The following SEMA3D variants were observed in gnomAD, a reference collection of about 807,000 sequenced individuals.
SEMA3D encodes semaphorin-3D.
A neutral mutation model predicts 100.1 loss-of-function variants in SEMA3D; 84 were observed. That is an observed-to-expected ratio of 0.84 (90% CI 0.70 to 1.01). SEMA3D has a LOEUF of 1.01. Ranked by LOEUF, SEMA3D falls within the 50% of genes least tolerant of loss-of-function variation. SEMA3D has a pLI of 0.00. For missense variants in SEMA3D, 875 were observed against 934.1 expected (o/e 0.94, Z 0.82); for synonymous variants, 312 against 320.7 (o/e 0.97, Z 0.29).
At chr7:85,182,615 A>T (rs181570470) in intron 1 of SEMA3D, among the ~76,000 whole-genome samples, 1 of 152,322 alleles carries the variant, frequency 6.6e-6, no homozygotes, top group African/African-American at 2.4e-5. Context: ...TATTAGCTTG[A>T]CAGGTATGGC....
chr7:85,025,783 T>C (rs1790376144), intron 12 of SEMA3D, among the ~76,000 whole-genome samples: 1 of 151,946 alleles, frequency 6.6e-6, no homozygotes, highest in African/African-American at 2.4e-5. Context: ...AGAGTCAACC[T>C]ACAACAGATA....
chr7:85,130,981 A>T (rs183682941), intron 2 of SEMA3D, among the ~76,000 whole-genome samples: 72 of 152,264 alleles, frequency 4.7e-4, no homozygotes, highest in Middle Eastern at 3.4e-3. Context: ...TAACAAGGGT[A>T]TCTGATTCCT....
chr7:85,174,257 A>T (rs1402818065), intron 1 of SEMA3D, among the ~76,000 whole-genome samples: 1 of 152,112 alleles, frequency 6.6e-6, no homozygotes, highest in Non-Finnish European at 1.5e-5. Context: ...AAAATTGTCT[A>T]CTTCAGGGCC....
At chr7:85,231,596 G>A in the SEMA3D span, among the ~76,000 whole-genome samples, 2,158 of 151,954 alleles carry the variant, frequency 0.014, 25 homozygotes, top group Non-Finnish European at 0.021. Flanking sequence ...GACTACAGGC[G>A]TCTGCCACCA....
intron 12 of SEMA3D, among the ~76,000 whole-genome samples, chr7:85,023,015 A>G (rs539248281): frequency 4.9e-4 from 74 of 152,064 alleles, no homozygotes; most frequent in Non-Finnish European, 8.8e-4. Context: ...TTCAGTTCAA[A>G]TGAAACCATG....
chr7:85,229,354 T>C, the SEMA3D span, among the ~76,000 whole-genome samples: 6 of 152,030 alleles, frequency 3.9e-5, no homozygotes, highest in Non-Finnish European at 7.4e-5. Context: ...GGTCCATTGC[T>C]ATTTTTTTAA....
At chr7:85,083,498 T>G (rs1788119504) in intron 4 of SEMA3D, among the ~76,000 whole-genome samples, 1 of 152,184 alleles carries the variant, frequency 6.6e-6, no homozygotes, top group Non-Finnish European at 1.5e-5. Context: ...TTGTTCTGGT[T>G]GTTCCTTTGT....
At chr7:85,064,891 T>C (rs1204163303) in intron 8 of SEMA3D, among the ~76,000 whole-genome samples, 2 of 152,206 alleles carry the variant, frequency 1.3e-5, no homozygotes, top group African/African-American at 4.8e-5. Context: ...AATATTAATA[T>C]GCTTAAAATT....
At chr7:85,204,445 T>C in the SEMA3D span, among the ~76,000 whole-genome samples, 2 of 151,952 alleles carry the variant, frequency 1.3e-5, no homozygotes, top group Admixed American at 1.3e-4. Flanking sequence ...TTTCGTAGAA[T>C]CAGCTTTTAA....
Position 85,049,449 on chromosome 7 carries a change from G to A in SEMA3D, c.861+6268C>T, listed in dbSNP as rs531443673. 1.9e-4 allele frequency among the ~76,000 whole-genome samples: 29 copies of A among 151,630 alleles called. No homozygotes were observed. The South Asian group carries it at 2.3e-3, about 12-fold the overall frequency. The stretch of plus-strand genomic sequence containing the variant: ...CAGTTTCTAAGATTTAGCACATTCA[G>A]TTAGGTAAATCTAGGAATGTTAAGC... On this transcript the variant is annotated intron_variant, in intron 9 of 18. Transcript: ENST00000284136.
the SEMA3D span, among the ~76,000 whole-genome samples, chr7:85,228,343 A>AT: frequency 6.6e-6 from 1 of 152,148 alleles, no homozygotes; most frequent in East Asian, 1.9e-4. Flanking sequence ...CACTATGCCA[A>AT]TTTTCCGAAT....
At chr7:85,007,013 C>A in intron 17 of SEMA3D, 72 bp from the exon 18 acceptor site, 1 of 1,157,140 alleles carries the variant, frequency 8.6e-7, no homozygotes, top group Non-Finnish European at 1.2e-6. Context: ...CAGACTGATT[C>A]AGAACAGATG....
chr7:85,150,383 C>A (rs1156869419), intron 2 of SEMA3D, among the ~76,000 whole-genome samples: 3 of 139,522 alleles, frequency 2.2e-5, no homozygotes, highest in African/African-American at 5.2e-5. Context: ...TATATATACA[C>A]ACACACATAT....
At chr7:85,155,137 CT>C (rs887735435) in intron 1 of SEMA3D, among the ~76,000 whole-genome samples, 29 of 148,678 alleles carry the variant, frequency 2.0e-4, no homozygotes, top group Admixed American at 3.4e-4. Context: ...AGATTCTACA[CT>C]TTTTTTTTTG....
chr7:85,147,092 CT>C (rs752922884), intron 2 of SEMA3D, among the ~76,000 whole-genome samples: 76 of 48,154 alleles, frequency 1.6e-3, no homozygotes, highest in East Asian at 9.9e-3. Flanking sequence ...TTTTTCTTTT[CT>C]TTTTTTTTTT....
chr7:85,098,020 A>G, intron 3 of SEMA3D, 55 bp from the exon 4 acceptor site: 2 of 1,006,418 alleles, frequency 2.0e-6, no homozygotes, highest in East Asian at 2.8e-5. Flanking sequence ...AGAAAGAAAG[A>G]GAAAGAAAGG....
At chr7:85,134,956 A>C (rs187437413) in intron 2 of SEMA3D, among the ~76,000 whole-genome samples, 1 of 152,130 alleles carries the variant, frequency 6.6e-6, no homozygotes, top group East Asian at 1.9e-4. Context: ...TGATTCAGGG[A>C]CATTCTTTGT....
At chr7:85,102,313 G>A (rs941106248) in intron 3 of SEMA3D, among the ~76,000 whole-genome samples, 3 of 151,970 alleles carry the variant, frequency 2.0e-5, no homozygotes, top group Non-Finnish European at 2.9e-5. Context: ...CGTACATACT[G>A]CACTTCTACT....
At chr7:85,151,198 A>G (rs1223512948) in intron 2 of SEMA3D, among the ~76,000 whole-genome samples, 1 of 152,118 alleles carries the variant, frequency 6.6e-6, no homozygotes, top group African/African-American at 2.4e-5. Flanking sequence ...AATTGCTGCA[A>G]AAACCCTATG....
Sources: gnomAD v4.1 joint callset for allele counts (sites outside exome capture counted in the v4.1 genomes callset) on GRCh38, gnomAD v4.1.1 for gene constraint, MANE v1.5 for transcripts, NCBI Gene and HGNC (gene_info 2026-07-23, HGNC 2026-07-21) for gene names.